IGF2BP3: variants seen among roughly 807,000 people sequenced by gnomAD.
IGF2BP3 encodes the protein insulin like growth factor 2 mRNA binding protein 3.
A neutral mutation model predicts 73.8 loss-of-function variants in IGF2BP3; 9 were observed. The ratio of observed to expected loss-of-function variants is 0.12; its 90% CI spans 0.07 to 0.21. IGF2BP3 has a LOEUF of 0.21. Among genes scored for constraint, IGF2BP3 ranks in the 10% least tolerant of loss-of-function variants. The probability of loss-of-function intolerance (pLI) is 1.00; values close to 1 mark genes in which losing one functional copy is unlikely to be tolerated. For synonymous variants in IGF2BP3, 258 were observed against 256.7 expected, an observed-to-expected ratio of 1.01 and a Z score of -0.05; for missense variants, 542 against 714.0, an observed-to-expected ratio of 0.76 and a Z score of 2.75.
rs1468798013 is a variant in IGF2BP3, at chr7:23,469,966, A to G, written c.145T>C (p.Trp49Arg). The change falls in exon 1 of 15, where the codon TGG (tryptophan) becomes CGG (arginine). Residue 49 changes from tryptophan to arginine, a missense_variant. Transcript: ENST00000258729. The surrounding 1 kb of genome is among the most constrained non-coding windows in gnomAD (Gnocchi z 6.1). ...AGCGCCTCGATGGCCTTGAGGGCCCAGCTCTCGTCCGGGCAGTCCACGAAC... is the reference window on the plus strand; with the variant it reads ...AGCGCCTCGATGGCCTTGAGGGCCCGGCTCTCGTCCGGGCAGTCCACGAAC... ...YAFVDCPDESWALKAIEALSG... is the reference protein window; with the variant it reads ...YAFVDCPDESRALKAIEALSG... 6.2e-7 allele frequency: 1 copy of G among 1,611,870 alleles called. No homozygotes were observed. The highest frequency in any genetic ancestry group is 8.5e-7 in the Non-Finnish European group (1 of 1,179,484).
At chr7:23,366,831 TTGAAC>T (rs1251779783) in intron 3 of IGF2BP3, among the ~76,000 whole-genome samples, 1 of 152,114 alleles carries the variant, frequency 6.6e-6, no homozygotes, top group African/African-American at 2.4e-5. Flanking sequence ...CCCAAATGAC[TTGAAC>T]TGTACTATAG....
At chr7:23,350,335 G>C (rs1212749657) in intron 6 of IGF2BP3, among the ~76,000 whole-genome samples, 1 of 152,168 alleles carries the variant, frequency 6.6e-6, no homozygotes, top group Non-Finnish European at 1.5e-5. Context: ...AAATAATCTT[G>C]CCACTTCTGT....
chr7:23,417,628 C>CA (rs903982945), intron 3 of IGF2BP3, among the ~76,000 whole-genome samples: 29 of 151,570 alleles, frequency 1.9e-4, no homozygotes, highest in Non-Finnish European at 1.5e-4. Flanking sequence ...AGCTCCTGAA[C>CA]AAAAAAAATC....
Position 23,436,241 on chromosome 7 carries a change from G to A in IGF2BP3, c.237-17417C>T, listed in dbSNP as rs11974864. Among the ~76,000 whole-genome samples the A allele has an allele frequency of 6.1e-3, 928 of 152,322 alleles. 13 individuals are homozygous for A. Among genetic ancestry groups the A allele is most frequent in the African/African-American group, 0.021 (887 of 41,574 alleles). On this transcript the variant is annotated intron_variant, in intron 2 of 14. Coordinates refer to ENST00000258729, the MANE Select transcript of IGF2BP3 (RefSeq NM_006547.3). Reference sequence around the variant, plus strand: ...TGGAATATTTAATACCAGTGAGTTAGTGTCATGTTTTTTAATATGTAATGA... The same window carrying A: ...TGGAATATTTAATACCAGTGAGTTAATGTCATGTTTTTTAATATGTAATGA...
At chr7:23,349,697 T>C (rs1398759572) in intron 6 of IGF2BP3, among the ~76,000 whole-genome samples, 1 of 152,148 alleles carries the variant, frequency 6.6e-6, no homozygotes, top group African/African-American at 2.4e-5. Flanking sequence ...CTGGCAGAGC[T>C]CTGCAAATGA....
At chr7:23,315,331 C>G (rs1783955673) in intron 12 of IGF2BP3, among the ~76,000 whole-genome samples, 1 of 152,052 alleles carries the variant, frequency 6.6e-6, no homozygotes, top group Non-Finnish European at 1.5e-5. Flanking sequence ...TGGTCTGGAA[C>G]TCCTGGACTC....
At chr7:23,334,341 AAG>A (rs1248893015) in intron 10 of IGF2BP3, among the ~76,000 whole-genome samples, 1 of 152,228 alleles carries the variant, frequency 6.6e-6, no homozygotes, top group Non-Finnish European at 1.5e-5. Context: ...AAAAATAAAA[AAG>A]AAAAGAAATC....
chr7:23,375,698 C>G (rs6461708), intron 3 of IGF2BP3, among the ~76,000 whole-genome samples: 1 of 151,994 alleles, frequency 6.6e-6, no homozygotes, highest in South Asian at 2.1e-4. Flanking sequence ...TAAATGTCCA[C>G]GATTGTATGG....
chr7:23,362,747 C>CT (rs1785263891), intron 3 of IGF2BP3: 1 of 151,936 alleles, frequency 6.6e-6, no homozygotes, highest in Non-Finnish European at 1.5e-5. Flanking sequence ...TACAAATTTT[C>CT]TTATTTATTT....
intron 10 of IGF2BP3, 35 bp from the exon 11 acceptor site, chr7:23,319,289 T>C (rs369657911): frequency 2.9e-6 from 4 of 1,386,776 alleles, no homozygotes; most frequent in African/African-American, 1.4e-5. Context: ...CCCATGTTTA[T>C]TTGCTACAAA....
At chr7:23,456,305 G>T (rs1166016474) in intron 2 of IGF2BP3, among the ~76,000 whole-genome samples, 3 of 151,486 alleles carry the variant, frequency 2.0e-5, no homozygotes, top group African/African-American at 7.3e-5. Flanking sequence ...ATTACCACAG[G>T]TTCTCTTAAC....
At chr7:23,410,198 AG>A in intron 3 of IGF2BP3, among the ~76,000 whole-genome samples, 1 of 151,958 alleles carries the variant, frequency 6.6e-6, no homozygotes, top group South Asian at 2.1e-4. Context: ...AAGATACAAA[AG>A]AAAAAAAAAT....
intron 3 of IGF2BP3, among the ~76,000 whole-genome samples, chr7:23,397,828 G>C (rs1026892977): frequency 1.3e-5 from 2 of 152,176 alleles, no homozygotes; most frequent in African/African-American, 4.8e-5. Flanking sequence ...CTTAAAAACT[G>C]CGAGTGTTAC....
chr7:23,346,172 C>T, intron 7 of IGF2BP3, 110 bp from the exon 8 acceptor site: 1 of 1,248,504 alleles, frequency 8.0e-7, no homozygotes, highest in Non-Finnish European at 1.1e-6. Context: ...CTGGGAAGCA[C>T]TGTGTTAGGT....
At chr7:23,401,150 G>A (rs559491278) in intron 3 of IGF2BP3, among the ~76,000 whole-genome samples, 26 of 152,270 alleles carry the variant, frequency 1.7e-4, no homozygotes, top group African/African-American at 5.8e-4. Context: ...TTTAAAAATT[G>A]TAACTTTTCT....
At chr7:23,352,346 T>C (rs1212613875) in intron 5 of IGF2BP3, among the ~76,000 whole-genome samples, 2 of 128,970 alleles carry the variant, frequency 1.6e-5, no homozygotes, top group Non-Finnish European at 3.2e-5. Context: ...TGGAGCGCAA[T>C]AGAGCCATCT....
chr7:23,402,860 A>G (rs1167294746), intron 3 of IGF2BP3: 3 of 152,250 alleles, frequency 2.0e-5, no homozygotes, highest in Non-Finnish European at 4.4e-5. Flanking sequence ...ATGATTTAGA[A>G]CAGTAATTCT....
At chr7:23,374,005 G>A (rs1407239352) in intron 3 of IGF2BP3, among the ~76,000 whole-genome samples, 2 of 152,220 alleles carry the variant, frequency 1.3e-5, no homozygotes, top group Non-Finnish European at 2.9e-5. Context: ...AAGCTGAGCA[G>A]ATGCTGGAGC....
At chr7:23,358,805 CT>C (rs1175805708) in intron 5 of IGF2BP3, among the ~76,000 whole-genome samples, 1 of 152,172 alleles carries the variant, frequency 6.6e-6, no homozygotes, top group African/African-American at 2.4e-5. Flanking sequence ...CTTAGATTAA[CT>C]TTTAAAAATA....
Sources: gnomAD v4.1 joint callset for allele counts (sites outside exome capture counted in the v4.1 genomes callset) on GRCh38, gnomAD v4.1.1 for gene constraint, Gnocchi (gnomAD v3.1) non-coding constraint, MANE v1.5 for transcripts, NCBI Gene and HGNC (gene_info 2026-07-23, HGNC 2026-07-21) for gene names.